Variants in TMTC2 observed in about 807,000 individuals in gnomAD.
TMTC2 encodes transmembrane O-mannosyltransferase targeting cadherins 2.
TMTC2 carries 43 observed loss-of-function variants against 82.4 expected under a neutral mutation model. That is an observed-to-expected ratio of 0.52 (90% CI 0.41 to 0.67). TMTC2 has a LOEUF of 0.67. Among genes scored for constraint, TMTC2 ranks in the 30% least tolerant of loss-of-function variants. The pLI is 0.00. For synonymous variants in TMTC2, 408 were observed against 381.9 expected, an observed-to-expected ratio of 1.07 and a Z score of -0.80; for missense variants, 919 against 1,012.4, an observed-to-expected ratio of 0.91 and a Z score of 1.25.
chr12:83,000,691 G>A (rs1054278447), intron 8 of TMTC2, among the ~76,000 whole-genome samples: 12 of 152,134 alleles, frequency 7.9e-5, no homozygotes, highest in African/African-American at 2.4e-4. Flanking sequence ...CACAGCTCCC[G>A]GTGGAGCCCC....
chr12:82,947,619 C>G (rs1212322682), intron 4 of TMTC2, among the ~76,000 whole-genome samples: 1 of 152,024 alleles, frequency 6.6e-6, no homozygotes, highest in Non-Finnish European at 1.5e-5. Context: ...CGTGAGCCAC[C>G]GTGCCCAGCC....
chr12:83,124,198 T>A (rs567188495), intron 11 of TMTC2, among the ~76,000 whole-genome samples: 1 of 152,256 alleles, frequency 6.6e-6, no homozygotes, highest in Non-Finnish European at 1.5e-5. Flanking sequence ...TATATATTGC[T>A]TTTGTTCACT....
At chr12:83,104,313 C>T (rs959151915) in intron 11 of TMTC2, among the ~76,000 whole-genome samples, 8 of 152,176 alleles carry the variant, frequency 5.3e-5, no homozygotes, top group Admixed American at 2.0e-4. Context: ...TTCTATGTGG[C>T]GGCTCCAACC....
At chr12:82,997,248 T>A (rs1471284723) in intron 8 of TMTC2, among the ~76,000 whole-genome samples, 1 of 138,218 alleles carries the variant, frequency 7.2e-6, no homozygotes, top group Admixed American at 7.9e-5. Context: ...TATGTATAGT[T>A]ATATACGTCT....
chr12:82,996,302 G>A (rs1879614590), intron 8 of TMTC2, among the ~76,000 whole-genome samples: 1 of 152,180 alleles, frequency 6.6e-6, no homozygotes, highest in African/African-American at 2.4e-5. Context: ...AGGGGTGAGG[G>A]TGAAGGGCAT....
chr12:82,932,225 G>A (rs1312436270), intron 4 of TMTC2, among the ~76,000 whole-genome samples: 1 of 152,132 alleles, frequency 6.6e-6, no homozygotes, highest in East Asian at 1.9e-4. Flanking sequence ...TTAATTTTTT[G>A]TTCATACGTT....
intron 1 of TMTC2, among the ~76,000 whole-genome samples, chr12:82,720,838 G>C (rs934120665): frequency 3.9e-5 from 6 of 152,156 alleles, no homozygotes; most frequent in Non-Finnish European, 7.4e-5. Flanking sequence ...ATGTAGTTAT[G>C]AATCTTGAAT....
chr12:82,834,676 G>C (rs555236244), intron 1 of TMTC2, among the ~76,000 whole-genome samples: 69 of 152,224 alleles, frequency 4.5e-4, no homozygotes, highest in African/African-American at 1.5e-3. Flanking sequence ...CAAAGTGTCC[G>C]TGTCATCTTG....
In TMTC2 at chr12:82,811,520, A is replaced by G. The variant is rs1308200856; in HGVS notation, c.84-45490A>G. On this transcript the variant is annotated intron_variant, in intron 1 of 11. Coordinates refer to ENST00000321196, the MANE Select transcript of TMTC2 (RefSeq NM_152588.3). ...CTAAGTAGTGTTGTCACAGAAAGAA[A>G]TGGAAAAATCAGTACAAATGTATGT... is the stretch of plus-strand genomic sequence containing the variant. 8.5e-5 allele frequency among the ~76,000 whole-genome samples: 13 copies of G among 152,184 alleles called. No homozygotes were observed. In the East Asian group the frequency reaches 2.5e-3, roughly 29 times the overall value.
intron 1 of TMTC2, among the ~76,000 whole-genome samples, chr12:82,770,612 T>A (rs190987398): frequency 1.6e-4 from 25 of 152,266 alleles, no homozygotes; most frequent in Non-Finnish European, 2.8e-4. Context: ...TCCCGAGCAC[T>A]TAATCTAAAT....
chr12:83,080,654 C>G (rs1256629949), intron 11 of TMTC2, among the ~76,000 whole-genome samples: 1 of 152,170 alleles, frequency 6.6e-6, no homozygotes, highest in Non-Finnish European at 1.5e-5. Flanking sequence ...CTCCCTACTT[C>G]ATGTGTAACA....
intron 1 of TMTC2, among the ~76,000 whole-genome samples, chr12:82,730,607 T>C (rs1874744578): frequency 2.0e-5 from 3 of 152,216 alleles, no homozygotes; most frequent in Admixed American, 1.3e-4. Context: ...CACACTGTTT[T>C]GTACAGTTGT....
At chr12:83,124,934 A>G (rs1280947621) in intron 11 of TMTC2, among the ~76,000 whole-genome samples, 1 of 152,216 alleles carries the variant, frequency 6.6e-6, no homozygotes, top group Non-Finnish European at 1.5e-5. Flanking sequence ...CTAAATTTAC[A>G]TGATGCCAGT....
intron 11 of TMTC2, among the ~76,000 whole-genome samples, chr12:83,109,106 C>T (rs1264893120): frequency 3.9e-5 from 6 of 152,092 alleles, no homozygotes; most frequent in African/African-American, 1.4e-4. Context: ...GTTCCTTGTG[C>T]ATTACTAGAA....
At chr12:82,932,753 A>T (rs1195953246) in intron 4 of TMTC2, among the ~76,000 whole-genome samples, 1 of 152,166 alleles carries the variant, frequency 6.6e-6, no homozygotes, top group East Asian at 1.9e-4. Flanking sequence ...AAACTGAACA[A>T]TGAACACCTC....
chr12:82,748,646 C>T (rs749884535), intron 1 of TMTC2, among the ~76,000 whole-genome samples: 1 of 152,226 alleles, frequency 6.6e-6, no homozygotes, highest in Non-Finnish European at 1.5e-5. Flanking sequence ...GAGGCCAAGG[C>T]GGGTGGATCA....
intron 10 of TMTC2, among the ~76,000 whole-genome samples, chr12:83,056,050 T>C (rs1182723581): frequency 1.3e-5 from 2 of 152,018 alleles, no homozygotes; most frequent in South Asian, 4.1e-4. Flanking sequence ...GCTATGATTC[T>C]TGACTTTATT....
At chr12:82,799,986 A>AT (rs1268343576) in intron 1 of TMTC2, among the ~76,000 whole-genome samples, 1 of 152,146 alleles carries the variant, frequency 6.6e-6, no homozygotes, top group Middle Eastern at 3.4e-3. Context: ...ACATAGTATA[A>AT]TAAAAAAAAA....
At chr12:82,766,373 A>G (rs1252003272) in intron 1 of TMTC2, among the ~76,000 whole-genome samples, 4 of 152,236 alleles carry the variant, frequency 2.6e-5, no homozygotes, top group African/African-American at 9.6e-5. Context: ...TTTTTCATCA[A>G]CTAAATGCCC....
Sources: allele counts gnomAD v4.1 joint callset (sites outside exome capture counted in the v4.1 genomes callset), GRCh38; gene constraint gnomAD v4.1.1; transcripts MANE v1.5; gene names NCBI Gene and HGNC (gene_info 2026-07-23, HGNC 2026-07-21).